The following MALRD1 variants were observed in gnomAD, a reference collection of about 807,000 sequenced individuals.
The protein encoded by MALRD1 is MAM and LDL-receptor class A domain-containing protein 1.
In MALRD1, 247 loss-of-function variants were observed where a neutral mutation model predicts 242.1. The ratio of observed to expected loss-of-function variants is 1.02; its 90% CI spans 0.92 to 1.13. The LOEUF is 1.13. Among genes scored for constraint, MALRD1 ranks in the 50% most tolerant of loss-of-function variants. The pLI is 0.00. For synonymous variants in MALRD1, 995 were observed against 866.6 expected (o/e 1.15, Z -2.60); for missense variants, 2,989 against 2,533.1 (o/e 1.18, Z -3.86).
chr10:19,205,474 A>G (rs1395550195), intron 17 of MALRD1, among the ~76,000 whole-genome samples: 1 of 151,538 alleles, frequency 6.6e-6, no homozygotes, highest in South Asian at 2.1e-4. Flanking sequence ...TAGAGATACA[A>G]TGATAAATAC....
chr10:19,212,757 T>G (rs1837127405), intron 18 of MALRD1, among the ~76,000 whole-genome samples: 1 of 152,194 alleles, frequency 6.6e-6, no homozygotes, highest in Non-Finnish European at 1.5e-5. Flanking sequence ...AGTGCTTGGC[T>G]ATTATCAGTC....
rs574083442 is a variant in MALRD1, at chr10:19,455,401, G to T, written c.5029+4911G>T. Among the ~76,000 whole-genome samples, 5 of 152,238 alleles carry T rather than the reference G, an allele frequency of 3.3e-5. No individual in the cohort carries two copies. In the East Asian group the frequency reaches 9.6e-4, roughly 29 times the overall value. On this transcript the variant is annotated intron_variant, in intron 29 of 39. Coordinates refer to ENST00000454679, the MANE Select transcript of MALRD1 (RefSeq NM_001142308.3). ...ACTATTAATACTAAATAGTATTTATGTCAGCTGTTAATATCCCAGATCAGC... is the reference window on the plus strand; with the variant it reads ...ACTATTAATACTAAATAGTATTTATTTCAGCTGTTAATATCCCAGATCAGC...
At chr10:19,451,891 A>T (rs995771656) in intron 29 of MALRD1, among the ~76,000 whole-genome samples, 2 of 152,190 alleles carry the variant, frequency 1.3e-5, no homozygotes, top group Non-Finnish European at 2.9e-5. Context: ...TGTAAGGAGC[A>T]TGTAGCTCCA....
At chr10:19,048,711 G>C (rs1834400773), upstream of MALRD1, 2 of 345,396 alleles carry the variant, frequency 5.8e-6, no homozygotes. Context: ...TAGTTAGCTA[G>C]ATAAAGAACC....
chr10:19,131,043 G>T lies in MALRD1; in HGVS notation c.1110+2656G>T, dbSNP rs553233681. ...CTGATGTTTGATTTGTTAGTATCCT[G>T]TGAGGTGTCCTGTCTTTTCTGACAC... On this transcript the variant is annotated intron_variant, in intron 8 of 39. Transcript: ENST00000454679. Among the ~76,000 whole-genome samples the T allele has an allele frequency of 2.0e-5, 3 of 152,236 alleles. No homozygotes were observed. The South Asian group carries it at 6.2e-4, about 32-fold the overall frequency.
chr10:19,108,829 G>A (rs1251483238), intron 5 of MALRD1, among the ~76,000 whole-genome samples: 2 of 151,926 alleles, frequency 1.3e-5, no homozygotes, highest in African/African-American at 2.4e-5. Flanking sequence ...ATTTTGGGTG[G>A]GGGTCAGGTA....
chr10:19,155,194 C>T lies in MALRD1; in HGVS notation c.1656+22C>T, dbSNP rs1834096471. The T allele has an allele frequency of 7.5e-6, 9 of 1,207,450 alleles. No individual in the cohort carries two copies. The South Asian group carries it at 3.8e-4, about 51-fold the overall frequency. The allele number at this position is 1,207,450 out of a possible 1,614,324, so 74.8% of individuals were successfully genotyped here. A position where few individuals can be genotyped will look rare whatever the true frequency, so the allele number is the denominator to read the frequency against. On this transcript the variant is annotated intron_variant, in intron 12 of 39. Transcript: ENST00000454679. ...TCAGGTAATCAACTGTTCTGAATTTCCACTGGCCATTCTGCGGTTGTAAAT... is the reference window on the plus strand; with the variant it reads ...TCAGGTAATCAACTGTTCTGAATTTTCACTGGCCATTCTGCGGTTGTAAAT...
intron 26 of MALRD1, among the ~76,000 whole-genome samples, chr10:19,357,725 A>C (rs1039455412): frequency 6.6e-6 from 1 of 152,184 alleles, no homozygotes; most frequent in African/African-American, 2.4e-5. Flanking sequence ...GATAAATGGC[A>C]TTATGTTCTA....
At chr10:19,441,326 C>A (rs1656513726) in intron 28 of MALRD1, among the ~76,000 whole-genome samples, 1 of 152,160 alleles carries the variant, frequency 6.6e-6, no homozygotes, top group African/African-American at 2.4e-5. Flanking sequence ...TTTTGCTGTG[C>A]AGAAGCTCTT....
chr10:19,096,628 A>G (rs1218496300), intron 4 of MALRD1, among the ~76,000 whole-genome samples: 1 of 152,192 alleles, frequency 6.6e-6, no homozygotes, highest in East Asian at 1.9e-4. Context: ...CCACCATCTA[A>G]TAACTCACTC....
chr10:19,087,745 A>C, intron 2 of MALRD1, 95 bp from the exon 3 acceptor site: 1 of 501,232 alleles, frequency 2.0e-6, no homozygotes, highest in African/African-American at 2.0e-5. Context: ...CAGTGAAATT[A>C]TTATTGACTA....
intron 24 of MALRD1, among the ~76,000 whole-genome samples, chr10:19,342,877 A>G (rs992012453): frequency 6.6e-6 from 1 of 152,126 alleles, no homozygotes; most frequent in Non-Finnish European, 1.5e-5. Context: ...TTAGGATAAT[A>G]TTTTCCAGAT....
chr10:19,676,217 A>G (rs1048758012), intron 36 of MALRD1, among the ~76,000 whole-genome samples: 6 of 152,190 alleles, frequency 3.9e-5, no homozygotes, highest in Non-Finnish European at 5.9e-5. Flanking sequence ...ACAAGATTCT[A>G]AAAGCTGTGG....
intron 26 of MALRD1, among the ~76,000 whole-genome samples, chr10:19,379,641 C>T (rs1380637595): frequency 6.6e-6 from 1 of 152,148 alleles, no homozygotes; most frequent in Non-Finnish European, 1.5e-5. Context: ...GCTTAGATAG[C>T]ATACTCTGCA....
intron 14 of MALRD1, among the ~76,000 whole-genome samples, chr10:19,189,641 G>A (rs552229850): frequency 3.3e-5 from 5 of 152,094 alleles, no homozygotes; most frequent in African/African-American, 1.2e-4. Flanking sequence ...CTGGAATGCA[G>A]GAATGGTTCA....
At chr10:19,174,156 A>G (rs1256017587) in intron 13 of MALRD1, among the ~76,000 whole-genome samples, 1 of 152,172 alleles carries the variant, frequency 6.6e-6, no homozygotes, top group East Asian at 1.9e-4. Flanking sequence ...AACTCAGCAA[A>G]GATCTTTATG....
chr10:19,353,677 T>A (rs1245304895), intron 26 of MALRD1, among the ~76,000 whole-genome samples: 2 of 152,198 alleles, frequency 1.3e-5, no homozygotes, highest in Non-Finnish European at 2.9e-5. Context: ...GTGGATTTAA[T>A]GCAAAGGTAA....
chr10:19,693,881 T>C (rs1245858842), intron 38 of MALRD1, among the ~76,000 whole-genome samples: 13 of 152,100 alleles, frequency 8.5e-5, no homozygotes, highest in Admixed American at 8.5e-4. Context: ...AACAGAGATA[T>C]AGACGAATGG....
In MALRD1 at chr10:19,548,178, T is replaced by C. The variant is rs146247660; in HGVS notation, c.5478+16827T>C. Among the ~76,000 whole-genome samples, 402 of 151,530 alleles carry C rather than the reference T, an allele frequency of 2.7e-3. 7 individuals carry two copies. In the East Asian group the frequency reaches 0.058, roughly 22 times the overall value. ...CCACCCCTGGCTAATTTTGTATTTT[T>C]ACTAAAGATGGGGTTTCACCATGTT... is the stretch of plus-strand genomic sequence containing the variant. On this transcript the variant is annotated intron_variant, in intron 32 of 39. Coordinates refer to ENST00000454679, the MANE Select transcript of MALRD1 (RefSeq NM_001142308.3).
Sources: allele counts gnomAD v4.1 joint callset (sites outside exome capture counted in the v4.1 genomes callset), GRCh38; gene constraint gnomAD v4.1.1; transcripts MANE v1.5; gene names NCBI Gene and HGNC (gene_info 2026-07-23, HGNC 2026-07-21).